The following CHTF18 variants were observed in gnomAD, a reference collection of about 807,000 sequenced individuals.
The protein encoded by CHTF18 is chromosome transmission fidelity factor 18, also known as chromosome transmission fidelity protein 18 homolog.
Under a neutral mutation model 113.4 loss-of-function variants are expected in CHTF18, and 151 were observed. That is an observed-to-expected ratio of 1.33 (90% CI 1.17 to 1.52). CHTF18 has a LOEUF of 1.52. Among genes scored for constraint, CHTF18 ranks in the 40% most tolerant of loss-of-function variants. The pLI, the probability that CHTF18 is intolerant of heterozygous loss-of-function variation, is 0.00. For missense variants in CHTF18, 1,982 were observed against 1,381.6 expected, an observed-to-expected ratio of 1.43 and a Z score of -6.89; for synonymous variants, 916 against 598.8, an observed-to-expected ratio of 1.53 and a Z score of -7.74.
chr16:789,458 G>A, intron 3 of CHTF18, 89 bp from the exon 4 acceptor site: 1 of 1,537,184 alleles, frequency 6.5e-7, no homozygotes. Flanking sequence ...GGTGGGGAGG[G>A]TTCCATGGCT....
chr16:795,843 C>A lies in CHTF18; in HGVS notation c.2325+9C>A, dbSNP rs186863826. The stretch of plus-strand genomic sequence containing the variant: ...CACCCAAGCTCCGCCCCGTGAGTGC[C>A]GTCCCCGGGGTGGGGGATTCCCCGC... On this transcript the variant is annotated intron_variant, in intron 17 of 21. Coordinates refer to ENST00000262315, the MANE Select transcript of CHTF18 (RefSeq NM_022092.3). 70 of 1,608,328 alleles carry A rather than the reference C, an allele frequency of 4.4e-5. No homozygotes were observed. The highest frequency in any genetic ancestry group is 3.5e-4 in the South Asian group (32 of 90,520).
intron 20 of CHTF18, 23 bp downstream of exon 20, chr16:797,115 G>A (rs1216242970): frequency 6.7e-7 from 1 of 1,496,130 alleles, no homozygotes; most frequent in African/African-American, 1.4e-5. Context: ...CAGCTGTGGG[G>A]GTGGGACCAG....
chr16:790,756 C>T (rs975466158), intron 7 of CHTF18, 90 bp downstream of exon 7: 5 of 1,446,426 alleles, frequency 3.5e-6, no homozygotes, highest in African/African-American at 1.4e-5. Context: ...ACAGCCAATC[C>T]ACTGGGCCTC....
chr16:793,904 T>C (rs1286151741), intron 14 of CHTF18, 150 bp from the exon 15 acceptor site: 19 of 840,132 alleles, frequency 2.3e-5, no homozygotes, highest in Non-Finnish European at 3.3e-5. Context: ...TGTCTTTGGC[T>C]GTCTCCACCT....
chr16:791,416 C>A (rs2042192508), intron 8 of CHTF18, 46 bp downstream of exon 8: 2 of 1,533,768 alleles, frequency 1.3e-6, no homozygotes, highest in African/African-American at 2.7e-5. Context: ...TGAGGCTTTG[C>A]ACTCGGCGCC....
At chr16:797,192 GC>G in intron 20 of CHTF18, 100 bp downstream of exon 20, 1 of 1,373,464 alleles carries the variant, frequency 7.3e-7, no homozygotes, top group South Asian at 1.7e-5. Flanking sequence ...ATGGGGTGGG[GC>G]CAGGGTACCT....
chr16:788,861 G>A (rs1412331959), intron 1 of CHTF18, 70 bp from the exon 2 acceptor site: 5 of 1,506,826 alleles, frequency 3.3e-6, no homozygotes, highest in Non-Finnish European at 4.4e-6. Context: ...GGGGCCGAAG[G>A]GGCCTCCACG....
chr16:792,180 A>G (rs1480551650), intron 9 of CHTF18, 44 bp from the exon 10 acceptor site: 4 of 1,543,702 alleles, frequency 2.6e-6, no homozygotes, highest in Non-Finnish European at 3.5e-6. Flanking sequence ...CTGCCCTGCC[A>G]GGGACGCCCA....
intron 15 of CHTF18, 79 bp downstream of exon 15, chr16:794,280 C>G: frequency 6.6e-7 from 1 of 1,520,252 alleles, no homozygotes; most frequent in Admixed American, 1.8e-5. Context: ...TGCCGGTCCT[C>G]CCGTATGGAC....
Position 797,002 on chromosome 16 carries a change from C to T in CHTF18, c.2643C>T (p.Gly881=). 1.3e-6 allele frequency: 2 copies of T among 1,548,292 alleles called. No individual in the cohort carries two copies. Among genetic ancestry groups the T allele is most frequent in the Non-Finnish European group, 1.7e-6 (2 of 1,146,668 alleles). Residue 881 remains glycine, a synonymous_variant, in exon 20 of 22, where the codon GGC becomes GGT. Transcript: ENST00000262315. ...CAGGGCTCGAGGGTCTGCTGGGGGGCATTGGGGAGAAAGGGGTGCACCGAC... is the reference window on the plus strand; with the variant it reads ...CAGGGCTCGAGGGTCTGCTGGGGGGTATTGGGGAGAAAGGGGTGCACCGAC... ...SPPGLEGLLG[G]IGEKGVHRPA...
At chr16:796,468 A>T in intron 18 of CHTF18, 1 of 582,878 alleles carries the variant, frequency 1.7e-6, no homozygotes. Flanking sequence ...CAGGACGCTG[A>T]GTCACTCTCC....
intron 14 of CHTF18, chr16:793,578 C>A (rs899530681): frequency 1.8e-6 from 1 of 554,478 alleles, no homozygotes; most frequent in East Asian, 3.1e-5. Flanking sequence ...CCCAGTTGCA[C>A]CCTCATTTTT....
Position 795,816 on chromosome 16 carries a change from T to G in CHTF18, c.2307T>G (p.Leu769=). 6.2e-7 allele frequency: 1 copy of G among 1,609,858 alleles called. No homozygotes were observed. The highest frequency in any genetic ancestry group is 8.5e-7 in the Non-Finnish European group (1 of 1,178,928). ...LDALCLLLDI[L]APKLRPVSTQ... ...CCCTCTGCCTGCTCCTGGACATTCTTGCACCCAAGCTCCGCCCCGTGAGTG... is the reference window on the plus strand; with the variant it reads ...CCCTCTGCCTGCTCCTGGACATTCTGGCACCCAAGCTCCGCCCCGTGAGTG... Residue 769 remains leucine (L), a synonymous_variant, in exon 17 of 22, where the codon CTT becomes CTG. Transcript: ENST00000262315.
In CHTF18 at chr16:796,820, C is replaced by A. The variant is rs573310688; in HGVS notation, c.2560C>A (p.Arg854=). 6.2e-7 allele frequency: 1 copy of A among 1,607,130 alleles called. No homozygotes were observed. Among genetic ancestry groups the A allele is most frequent in the African/African-American group, 1.3e-5 (1 of 75,014 alleles). Residue 854 remains arginine, a synonymous_variant, in exon 19 of 22, where the codon CGG becomes AGG. Transcript: ENST00000262315. ...CCGCGAGATCGAGGTGGAGAAGATGCGGCGGGCGGAGGCTTCTGCCCGGGT... is the reference window on the plus strand; with the variant it reads ...CCGCGAGATCGAGGTGGAGAAGATGAGGCGGGCGGAGGCTTCTGCCCGGGT... ...IAREIEVEKM[R]RAEASARVEN... is the part of the protein sequence containing the mutation.
Position 795,832 on chromosome 16 carries a change from C to T in CHTF18, c.2323C>T (p.Pro775Ser), listed in dbSNP as rs577654496. 310 of 1,609,106 alleles carry T rather than the reference C, an allele frequency of 1.9e-4. 2 individuals are homozygous for T. In the South Asian group the frequency reaches 3.3e-3, roughly 17 times the overall value. Reference sequence around the variant, plus strand: ...GGACATTCTTGCACCCAAGCTCCGCCCCGTGAGTGCCGTCCCCGGGGTGGG... The same window carrying T: ...GGACATTCTTGCACCCAAGCTCCGCTCCGTGAGTGCCGTCCCCGGGGTGGG... ...LLDILAPKLR[P>S]VSTQLYSTRE... Residue 775 changes from proline to serine, a missense_variant and splice_region_variant, in exon 17 of 22, where the codon CCC (proline) becomes TCC (serine). By Grantham distance (74) the Pro-to-Ser change is moderately conservative. Coordinates refer to ENST00000262315, the MANE Select transcript of CHTF18 (RefSeq NM_022092.3).
At chr16:797,620 C>A in intron 20 of CHTF18, 74 bp from the exon 21 acceptor site, 1 of 1,531,826 alleles carries the variant, frequency 6.5e-7, no homozygotes, top group Non-Finnish European at 9.0e-7. Flanking sequence ...GGAAGGCTCT[C>A]GGTCCTCCTG....
rs564350834 is a variant in CHTF18 at position 789,076 on chromosome 16, G to A, written c.237G>A (p.Arg79=). 5.2e-6 allele frequency: 8 copies of A among 1,536,332 alleles called. No homozygotes were observed. The East Asian group carries it at 1.2e-4, about 24-fold the overall frequency. Residue 79 remains arginine (R), a synonymous_variant, in exon 2 of 22, where the codon AGG becomes AGA. Coordinates refer to ENST00000262315, the MANE Select transcript of CHTF18 (RefSeq NM_022092.3). ...TGGGCAGCAGCCAGGGCGGCGCCAGGAAGAGGCAGGTGGACGCCGACCTGC... is the reference window on the plus strand; with the variant it reads ...TGGGCAGCAGCCAGGGCGGCGCCAGAAAGAGGCAGGTGGACGCCGACCTGC... ...ASVGSSQGGA[R]KRQVDADLQP... is the part of the protein sequence containing the mutation.
intron 20 of CHTF18, 110 bp from the exon 21 acceptor site, chr16:797,584 A>T: frequency 1.7e-6 from 2 of 1,176,416 alleles, no homozygotes; most frequent in Non-Finnish European, 1.2e-6. Flanking sequence ...AAGGTGTCTC[A>T]GAGGTGTTCT....
At position 796,787 on chromosome 16, in the gene CHTF18, C is replaced by G; in HGVS notation, c.2527C>G (p.Leu843Val). 3.7e-6 allele frequency: 6 copies of G among 1,610,682 alleles called. No individual in the cohort carries two copies. The highest frequency in any genetic ancestry group is 2.7e-5 in the African/African-American group (2 of 75,040). Residue 843 changes from leucine to valine, a missense_variant, in exon 19 of 22, where the codon CTC becomes GTC. By Grantham distance (32) the Leu-to-Val change is conservative (BLOSUM62 1). Transcript: ENST00000262315. ...RKPLTYQTKQLIAREIEVEKM... is the reference protein window; with the variant it reads ...RKPLTYQTKQVIAREIEVEKM... ...GCCCCTCACCTACCAGACGAAGCAG[C>G]TCATCGCCCGCGAGATCGAGGTGGA...
Sources: gnomAD v4.1 joint callset for allele counts on GRCh38, gnomAD v4.1.1 for gene constraint, MANE v1.5 for transcripts, NCBI Gene and HGNC (gene_info 2026-07-23, HGNC 2026-07-21) for gene names.